The following APBA1 variants were observed in gnomAD, a reference collection of about 807,000 sequenced individuals.
APBA1 encodes the protein amyloid-beta A4 precursor protein-binding family A member 1.
Under a neutral mutation model 86.6 loss-of-function variants are expected in APBA1, and 55 were observed. The ratio of observed to expected loss-of-function variants is 0.64; its 90% confidence interval spans 0.51 to 0.80. The LOEUF (loss-of-function observed/expected upper bound fraction) is 0.80, where lower values mean the gene tolerates loss of function less well. Ranked by LOEUF, APBA1 falls within the 30% of genes least tolerant of loss-of-function variation. The pLI, the probability that APBA1 is intolerant of heterozygous loss-of-function variation, is 0.00. For missense variants in APBA1, 1,090 were observed against 1,183.0 expected (o/e 0.92, Z 1.15); for synonymous variants, 511 against 493.9 (o/e 1.03, Z -0.46).
intron 1 of APBA1, among the ~76,000 whole-genome samples, chr9:69,658,912 C>T (rs1749415360): frequency 6.6e-6 from 1 of 152,184 alleles, no homozygotes; most frequent in Admixed American, 6.5e-5. Context: ...GCAGGGACAA[C>T]TCTGAGGCTG....
At chr9:69,434,142 G>A (rs955133909) in intron 11 of APBA1, among the ~76,000 whole-genome samples, 5 of 152,148 alleles carry the variant, frequency 3.3e-5, no homozygotes, top group Non-Finnish European at 7.4e-5. Context: ...GAACTGAGCC[G>A]GCCCCTGCAC....
chr9:69,530,758 C>T (rs1367361785), intron 1 of APBA1, among the ~76,000 whole-genome samples: 1 of 152,072 alleles, frequency 6.6e-6, no homozygotes, highest in Admixed American at 6.6e-5. Context: ...CTGAAGACAG[C>T]ATAGGGAAGA....
At chr9:69,639,136 T>C (rs1823237362) in intron 1 of APBA1, among the ~76,000 whole-genome samples, 1 of 152,180 alleles carries the variant, frequency 6.6e-6, no homozygotes, top group African/African-American at 2.4e-5. Flanking sequence ...AGTTTACAGT[T>C]AAAAGACATT....
At chr9:69,499,041 G>C (rs1419335265) in intron 2 of APBA1, among the ~76,000 whole-genome samples, 1 of 152,110 alleles carries the variant, frequency 6.6e-6, no homozygotes, top group East Asian at 1.9e-4. Flanking sequence ...TTGGTTCTAA[G>C]GTTATGCTTC....
At chr9:69,512,168 A>C (rs1422320866) in intron 2 of APBA1, among the ~76,000 whole-genome samples, 2 of 152,174 alleles carry the variant, frequency 1.3e-5, no homozygotes, top group Non-Finnish European at 2.9e-5. Flanking sequence ...GGATTGGGAG[A>C]TACTTCTCAG....
chr9:69,459,197 A>AG (rs1330342374), intron 5 of APBA1, among the ~76,000 whole-genome samples: 1 of 152,244 alleles, frequency 6.6e-6, no homozygotes, highest in East Asian at 1.9e-4. Context: ...GCTGAGGCTT[A>AG]GCTCTATGGT....
intron 1 of APBA1, among the ~76,000 whole-genome samples, chr9:69,638,433 G>T (rs898438276): frequency 6.6e-6 from 1 of 152,126 alleles, no homozygotes; most frequent in Admixed American, 6.5e-5. Flanking sequence ...TAGAGACGGG[G>T]TTTCACCATG....
At chr9:69,601,213 T>C (rs1447071256) in intron 1 of APBA1, among the ~76,000 whole-genome samples, 2 of 152,244 alleles carry the variant, frequency 1.3e-5, no homozygotes, top group Non-Finnish European at 2.9e-5. Context: ...CGAAAGAGCC[T>C]TAAACTCCCT....
chr9:69,667,256 T>C (rs7036436), intron 1 of APBA1, among the ~76,000 whole-genome samples: 123,671 of 152,130 alleles, frequency 0.81, 50,855 homozygotes, highest in East Asian at 1. Context: ...CTGTATTTAG[T>C]GAGATTAAAT....
At chr9:69,467,764 G>T in intron 5 of APBA1, 59 bp downstream of exon 5, 1 of 1,602,284 alleles carries the variant, frequency 6.2e-7, no homozygotes, top group South Asian at 1.1e-5. Flanking sequence ...CAGTGTTGTA[G>T]ACTGCTCCAG....
At chr9:69,629,508 G>A (rs561674606) in intron 1 of APBA1, among the ~76,000 whole-genome samples, 3 of 152,290 alleles carry the variant, frequency 2.0e-5, no homozygotes, top group Non-Finnish European at 2.9e-5. Context: ...GATGAAGTCA[G>A]AATCCACATT....
At chr9:69,648,445 A>G (rs1214336923) in intron 1 of APBA1, among the ~76,000 whole-genome samples, 3 of 152,260 alleles carry the variant, frequency 2.0e-5, no homozygotes, top group East Asian at 1.9e-4. Flanking sequence ...TTTTACACAC[A>G]CTACTCAGTT....
At chr9:69,439,830 C>G (rs1031957358) in intron 11 of APBA1, among the ~76,000 whole-genome samples, 2 of 152,212 alleles carry the variant, frequency 1.3e-5, no homozygotes, top group Non-Finnish European at 2.9e-5. Context: ...TGGTAAGGAG[C>G]TGTGTTCCTT....
chr9:69,462,010 TAAA>T (rs1386131445), intron 5 of APBA1: 1 of 152,168 alleles, frequency 6.6e-6, no homozygotes, highest in Non-Finnish European at 1.5e-5. Context: ...GAGAAAATCA[TAAA>T]AGAATGAAAA....
chr9:69,569,818 A>C (rs12379484), intron 1 of APBA1, among the ~76,000 whole-genome samples: 31,844 of 151,980 alleles, frequency 0.21, 3,530 homozygotes, highest in South Asian at 0.33. Flanking sequence ...TGGCCCAAAA[A>C]CTTGCTAGAG....
At chr9:69,487,386 A>T (rs564093293) in intron 2 of APBA1, among the ~76,000 whole-genome samples, 1 of 152,250 alleles carries the variant, frequency 6.6e-6, no homozygotes, top group East Asian at 1.9e-4. Flanking sequence ...TGACTTCTGT[A>T]AACAGTGGTC....
chr9:69,482,083 A>G (rs1184548897), intron 2 of APBA1, among the ~76,000 whole-genome samples: 2 of 151,698 alleles, frequency 1.3e-5, no homozygotes, highest in Non-Finnish European at 2.9e-5. Context: ...TGTCCAAAAC[A>G]CCAAAAGCAA....
Position 69,521,779 on chromosome 9 carries a change from A to G in APBA1, c.-69-4500T>C, listed in dbSNP as rs1173024271. On this transcript the variant is annotated intron_variant, in intron 1 of 12. Coordinates refer to ENST00000265381, the MANE Select transcript of APBA1 (RefSeq NM_001163.4). ...GGCAAGGGCTTTGAGGTGAGAAAGG[A>G]TCAGCTGTGTTCAAGGACAGAAATA... Among the ~76,000 whole-genome samples the G allele has an allele frequency of 3.9e-5, 6 of 152,220 alleles. No individual in the cohort carries two copies. The East Asian group carries it at 1.2e-3, about 29-fold the overall frequency.
intron 1 of APBA1, among the ~76,000 whole-genome samples, chr9:69,630,100 T>C (rs928963092): frequency 2.7e-5 from 4 of 149,776 alleles, no homozygotes; most frequent in Non-Finnish European, 5.9e-5. Context: ...AGTGGAAGTA[T>C]GTATGTGAAG....
Sources: allele counts gnomAD v4.1 joint callset (sites outside exome capture counted in the v4.1 genomes callset), GRCh38; gene constraint gnomAD v4.1.1; transcripts MANE v1.5; gene names NCBI Gene and HGNC (gene_info 2026-07-23, HGNC 2026-07-21).